The following ARHGAP24 variants were observed in gnomAD, a reference collection of about 807,000 sequenced individuals.
ARHGAP24 encodes Rho GTPase activating protein 24.
A neutral mutation model predicts 76.4 loss-of-function variants in ARHGAP24; 50 were observed. The observed-to-expected ratio is 0.65, with a 90% CI of 0.52 to 0.83. The LOEUF is 0.83. ARHGAP24 is among the 40% of genes least tolerant of loss of function. ARHGAP24 has a pLI of 0.00. For missense variants in ARHGAP24, 930 were observed against 914.2 expected, an observed-to-expected ratio of 1.02 and a Z score of -0.22; for synonymous variants, 345 against 323.3, an observed-to-expected ratio of 1.07 and a Z score of -0.72.
chr4:85,782,539 G>A (rs529020623), intron 3 of ARHGAP24, among the ~76,000 whole-genome samples: 2 of 152,166 alleles, frequency 1.3e-5, no homozygotes, highest in Non-Finnish European at 2.9e-5. Flanking sequence ...TCAGAATTCA[G>A]CCCCTTATAA....
chr4:85,831,808 G>A (rs1479407992), intron 3 of ARHGAP24, among the ~76,000 whole-genome samples: 2 of 151,414 alleles, frequency 1.3e-5, no homozygotes, highest in Admixed American at 1.3e-4. Context: ...AGGCTGAGGT[G>A]TGATAATCAC....
In ARHGAP24 at chr4:85,942,053, CTT is replaced by C. The variant is rs11367691; in HGVS notation, c.392-5_392-4del. 199 of 1,588,522 alleles carry C rather than the reference CTT, an allele frequency of 1.3e-4. 1 individual carries two copies. In the East Asian group the frequency reaches 2.0e-3, roughly 16 times the overall value. ...TAAATTTCCCAAGTTTACTGTGATC[CTT>C]TTTTTTTAAGGCATTTTTGGACAGA... On this transcript the variant is annotated splice_polypyrimidine_tract_variant and intron_variant, in intron 4 of 9. Coordinates refer to ENST00000395184, the MANE Select transcript of ARHGAP24 (RefSeq NM_001025616.3).
At chr4:85,507,554 A>G (rs564376029) in intron 1 of ARHGAP24, among the ~76,000 whole-genome samples, 2 of 152,332 alleles carry the variant, frequency 1.3e-5, no homozygotes, top group South Asian at 4.1e-4. Flanking sequence ...CAGCAGAAAG[A>G]GAATAAACAA....
intron 9 of ARHGAP24, among the ~76,000 whole-genome samples, chr4:85,998,095 T>C (rs1384105153): frequency 6.6e-6 from 1 of 152,236 alleles, no homozygotes; most frequent in Non-Finnish European, 1.5e-5. Flanking sequence ...ATCAAGTCTG[T>C]TAATCAGGCT....
chr4:85,904,479 A>G (rs189238796), intron 3 of ARHGAP24, among the ~76,000 whole-genome samples: 3 of 152,326 alleles, frequency 2.0e-5, no homozygotes, highest in Admixed American at 6.5e-5. Context: ...TCAGCATGTG[A>G]TCTGGGCAGA....
chr4:85,545,199 AAGCG>A (rs1246567181), intron 1 of ARHGAP24, among the ~76,000 whole-genome samples: 2 of 151,996 alleles, frequency 1.3e-5, no homozygotes, highest in Non-Finnish European at 2.9e-5. Context: ...TCGTGGGTTC[AAGCG>A]ATTCTCCTGC....
chr4:85,833,637 C>A (rs1730111884), intron 3 of ARHGAP24, among the ~76,000 whole-genome samples: 1 of 152,112 alleles, frequency 6.6e-6, no homozygotes, highest in African/African-American at 2.4e-5. Context: ...AAAGGACTAC[C>A]CAGTTATATT....
intron 2 of ARHGAP24, among the ~76,000 whole-genome samples, chr4:85,698,255 TGCTGGACCCATGGAAG>T (rs1364811184): frequency 6.6e-6 from 1 of 152,220 alleles, no homozygotes; most frequent in Non-Finnish European, 1.5e-5. Context: ...TTTGATGGAC[TGCTGGACCCATGGAAG>T]GTTGGCAGGG....
chr4:85,599,722 A>T (rs116803135), intron 2 of ARHGAP24, among the ~76,000 whole-genome samples: 3,563 of 152,268 alleles, frequency 0.023, 151 homozygotes, highest in African/African-American at 0.082. Context: ...AAATTTAAGT[A>T]TAAGTGAAAG....
intron 1 of ARHGAP24, among the ~76,000 whole-genome samples, chr4:85,529,146 T>TAA (rs1275910047): frequency 1.3e-5 from 2 of 152,002 alleles, no homozygotes; most frequent in Admixed American, 1.3e-4. Context: ...TAGTAAAAAC[T>TAA]AATTTTTTTG....
At chr4:85,831,394 C>T (rs1729986210) in intron 3 of ARHGAP24, among the ~76,000 whole-genome samples, 2 of 152,264 alleles carry the variant, frequency 1.3e-5, no homozygotes, top group East Asian at 1.9e-4. Flanking sequence ...TTTTAAAGAA[C>T]ACTACTCCAA....
chr4:85,627,514 G>A lies in ARHGAP24; in HGVS notation c.180+56793G>A, dbSNP rs182093875. Among the ~76,000 whole-genome samples, 199 of 152,342 alleles carry A rather than the reference G, an allele frequency of 1.3e-3. 1 individual carries two copies. Among genetic ancestry groups the A allele is most frequent in the African/African-American group, 4.5e-3 (187 of 41,580 alleles). On this transcript the variant is annotated intron_variant, in intron 2 of 9. Coordinates refer to ENST00000395184, the MANE Select transcript of ARHGAP24 (RefSeq NM_001025616.3). Reference sequence around the variant, plus strand: ...TGGTGCCTCCCAGTTAGGCTCCTCAGTGGTCAGGGAGCCACTTGAGGAGGC... The same window carrying A: ...TGGTGCCTCCCAGTTAGGCTCCTCAATGGTCAGGGAGCCACTTGAGGAGGC...
chr4:85,770,244 T>C (rs1006857663), intron 3 of ARHGAP24, among the ~76,000 whole-genome samples: 2 of 152,220 alleles, frequency 1.3e-5, no homozygotes, highest in Admixed American at 6.5e-5. Flanking sequence ...GGAATTACAC[T>C]TCTGGAAGAA....
At chr4:85,979,922 C>G (rs1739555685) in intron 8 of ARHGAP24, among the ~76,000 whole-genome samples, 1 of 152,280 alleles carries the variant, frequency 6.6e-6, no homozygotes, top group Admixed American at 6.5e-5. Flanking sequence ...AAGTACTGTC[C>G]TTCACTGAAT....
In ARHGAP24 at chr4:85,942,071, T is replaced by C. The variant is rs1425416284; in HGVS notation, c.397T>C (p.Phe133Leu). Reference sequence around the variant, plus strand: ...TGTGATCCTTTTTTTTTAAGGCATTTTTGGACAGAAACTGGAGGATACTGT... The same window carrying C: ...TGTGATCCTTTTTTTTTAAGGCATTCTTGGACAGAAACTGGAGGATACTGT... ...VIWGPFGGGI[F>L]GQKLEDTVRY... The change falls in exon 5 of 10, where the codon TTT becomes CTT. Residue 133 changes from phenylalanine (F) to leucine (L), a missense_variant. Physicochemically the swap from Phe to Leu is conservative, Grantham distance 22. Coordinates refer to ENST00000395184, the MANE Select transcript of ARHGAP24 (RefSeq NM_001025616.3). 1 of 1,613,576 alleles carries C rather than the reference T, an allele frequency of 6.2e-7. No individual in the cohort carries two copies. Among genetic ancestry groups the C allele is most frequent in the Non-Finnish European group, 8.5e-7 (1 of 1,179,946 alleles).
At chr4:85,506,221 G>A (rs1428832403) in intron 1 of ARHGAP24, among the ~76,000 whole-genome samples, 1 of 152,186 alleles carries the variant, frequency 6.6e-6, no homozygotes, top group African/African-American at 2.4e-5. Flanking sequence ...TGAGGAGGCA[G>A]CGTGTCTGTT....
At chr4:85,573,100 C>T (rs1174647116) in intron 2 of ARHGAP24, among the ~76,000 whole-genome samples, 1 of 152,114 alleles carries the variant, frequency 6.6e-6, no homozygotes, top group Admixed American at 6.5e-5. Context: ...TGGTCTTGAA[C>T]TCCTGACCTC....
intron 2 of ARHGAP24, among the ~76,000 whole-genome samples, chr4:85,627,361 A>G (rs370483020): frequency 6.6e-6 from 1 of 152,128 alleles, no homozygotes; most frequent in East Asian, 1.9e-4. Flanking sequence ...TTGCCTGGGT[A>G]TCATTAGCGG....
chr4:85,508,890 C>G (rs1033861528), intron 1 of ARHGAP24, among the ~76,000 whole-genome samples: 1 of 152,118 alleles, frequency 6.6e-6, no homozygotes, highest in Non-Finnish European at 1.5e-5. Flanking sequence ...TATCTCTAGG[C>G]CTTTCCCCCT....
Sources: gnomAD v4.1 joint callset for allele counts (sites outside exome capture counted in the v4.1 genomes callset) on GRCh38, gnomAD v4.1.1 for gene constraint, MANE v1.5 for transcripts, NCBI Gene and HGNC (gene_info 2026-07-23, HGNC 2026-07-21) for gene names.